Variants in RNF169 observed in about 807,000 individuals in gnomAD.
RNF169 encodes E3 ubiquitin-protein ligase RNF169.
RNF169 carries 24 observed loss-of-function variants against 53.9 expected under a neutral mutation model. That is an observed-to-expected ratio of 0.45 (90% confidence interval 0.32 to 0.63). The LOEUF (loss-of-function observed/expected upper bound fraction) is 0.63, where lower values mean the gene tolerates loss of function less well. Ranked by LOEUF, RNF169 falls within the 20% of genes least tolerant of loss-of-function variation. The pLI is 0.04. For synonymous variants in RNF169, 396 were observed against 363.5 expected, an observed-to-expected ratio of 1.09 and a Z score of -1.02; for missense variants, 883 against 906.2, an observed-to-expected ratio of 0.97 and a Z score of 0.33.
At chr11:74,786,167 C>G (rs539105940) in intron 1 of RNF169, among the ~76,000 whole-genome samples, 2 of 151,674 alleles carry the variant, frequency 1.3e-5, no homozygotes, top group African/African-American at 4.8e-5. Flanking sequence ...TCTTGATCTC[C>G]TGACCTTGTG....
rs988072781 is a variant in RNF169, at chr11:74,837,779, GTATC to G, written c.*1052_*1055del. ...TTAAACTCCATACTATGGAAACAAG[GTATC>G]TAGCTGGATGCAGCTGGTAAATTCA... On this transcript the variant is annotated 3_prime_UTR_variant, in exon 6 of 6. Coordinates refer to ENST00000299563, the MANE Select transcript of RNF169 (RefSeq NM_001098638.2). 1.3e-5 allele frequency: 2 copies of G among 152,234 alleles called. No homozygotes were observed. Among genetic ancestry groups the G allele is most frequent in the African/African-American group, 4.8e-5 (2 of 41,454 alleles). The allele number at this position is 152,234 out of a possible 1,614,324, so 9.4% of individuals were successfully genotyped here. A position where few individuals can be genotyped will look rare whatever the true frequency, so the allele number is the denominator to read the frequency against.
intron 4 of RNF169, among the ~76,000 whole-genome samples, chr11:74,823,738 G>GAAAAAAAAAAAAAAA (rs35164191): frequency 4.7e-5 from 5 of 105,774 alleles, no homozygotes; most frequent in Non-Finnish European, 3.9e-5. Flanking sequence ...CCCTGTCTCA[G>GAAAAAAAAAAAAAAA]AAAAAAAAAA....
chr11:74,819,590 T>G (rs2035982516), intron 4 of RNF169, among the ~76,000 whole-genome samples: 1 of 152,200 alleles, frequency 6.6e-6, no homozygotes, highest in Non-Finnish European at 1.5e-5. Context: ...TTGTGCCTGT[T>G]GGTAGGTTAA....
chr11:74,829,272 C>T (rs1389427238), intron 4 of RNF169, among the ~76,000 whole-genome samples: 1 of 152,134 alleles, frequency 6.6e-6, no homozygotes, highest in Admixed American at 6.5e-5. Flanking sequence ...TAGAGAAATG[C>T]AAATCAAAAC....
chr11:74,789,205 A>C (rs1032675394), intron 1 of RNF169, among the ~76,000 whole-genome samples: 1 of 152,152 alleles, frequency 6.6e-6, no homozygotes, highest in East Asian at 1.9e-4. Flanking sequence ...AATATCTTCT[A>C]CCTTACTCAG....
chr11:74,841,193 T>C lies in RNF169; in HGVS notation c.*4463T>C, dbSNP rs2036484317. On this transcript the variant is annotated 3_prime_UTR_variant, in exon 6 of 6. Transcript: ENST00000299563. ...ATTGGAAACTCATTATGGTCTTAAATTGTCCTCAGGCAGCCTTTTCCTCAT... is the reference window on the plus strand; with the variant it reads ...ATTGGAAACTCATTATGGTCTTAAACTGTCCTCAGGCAGCCTTTTCCTCAT... 1 of 152,204 alleles carries C rather than the reference T, an allele frequency of 6.6e-6. No homozygotes were observed. The highest frequency in any genetic ancestry group is 1.5e-5 in the Non-Finnish European group (1 of 68,034). The allele number at this position is 152,204 out of a possible 1,614,324, so 9.4% of individuals were successfully genotyped here.
At chr11:74,800,755 C>A (rs1295195584) in intron 2 of RNF169, among the ~76,000 whole-genome samples, 1 of 152,154 alleles carries the variant, frequency 6.6e-6, no homozygotes, top group Non-Finnish European at 1.5e-5. Flanking sequence ...AATTAATTCT[C>A]AATTTTCTTG....
Position 74,838,144 on chromosome 11 carries a change from C to T in RNF169, c.*1414C>T, listed in dbSNP as rs185698397. Reference sequence around the variant, plus strand: ...TCTTCAAAGACTAGAAACACTGACTCCCAAAATGCTAGAACTGGAAGGGAC... The same window carrying T: ...TCTTCAAAGACTAGAAACACTGACTTCCAAAATGCTAGAACTGGAAGGGAC... On this transcript the variant is annotated 3_prime_UTR_variant, in exon 6 of 6. Transcript: ENST00000299563. 1 of 152,156 alleles carries T rather than the reference C, an allele frequency of 6.6e-6. No individual in the cohort carries two copies. The highest frequency in any genetic ancestry group is 1.5e-5 in the Non-Finnish European group (1 of 68,030). The allele number at this position is 152,156 out of a possible 1,614,324, so 9.4% of individuals were successfully genotyped here. A position where few individuals can be genotyped will look rare whatever the true frequency, so the allele number is the denominator to read the frequency against.
intron 1 of RNF169, among the ~76,000 whole-genome samples, chr11:74,776,950 T>C (rs1336826586): frequency 6.6e-6 from 1 of 152,112 alleles, no homozygotes; most frequent in Admixed American, 6.5e-5. Flanking sequence ...TTACAAATCT[T>C]GGAGGCAGTG....
intron 1 of RNF169, among the ~76,000 whole-genome samples, chr11:74,751,190 T>C (rs1339043887): frequency 1.3e-5 from 2 of 152,172 alleles, no homozygotes; most frequent in African/African-American, 4.8e-5. Context: ...CCTTTTAAGC[T>C]TCACAACATC....
chr11:74,806,607 A>G (rs890783800), intron 2 of RNF169, among the ~76,000 whole-genome samples: 2 of 152,262 alleles, frequency 1.3e-5, no homozygotes, highest in African/African-American at 2.4e-5. Context: ...ACAGAATACT[A>G]TAAAACAAAA....
intron 4 of RNF169, among the ~76,000 whole-genome samples, chr11:74,824,515 T>C (rs2036064312): frequency 6.6e-6 from 1 of 152,172 alleles, no homozygotes; most frequent in Non-Finnish European, 1.5e-5. Flanking sequence ...TCCAAGAAGT[T>C]CTGTGACTCC....
rs1198899903 is a variant in RNF169, at chr11:74,841,121, G to T, written c.*4391G>T. 3 of 152,030 alleles carry T rather than the reference G, an allele frequency of 2.0e-5. No homozygotes were observed. Among genetic ancestry groups the T allele is most frequent in the Admixed American group, 2.0e-4 (3 of 15,264 alleles). The allele number at this position is 152,030 out of a possible 1,614,324, so 9.4% of individuals were successfully genotyped here. Reference sequence around the variant, plus strand: ...TGGAATAATTTTAATTAAATTTAATGATTTTAATTAAGAATTAAAAGCCAG... The same window carrying T: ...TGGAATAATTTTAATTAAATTTAATTATTTTAATTAAGAATTAAAAGCCAG... On this transcript the variant is annotated 3_prime_UTR_variant, in exon 6 of 6. Coordinates refer to ENST00000299563, the MANE Select transcript of RNF169 (RefSeq NM_001098638.2).
At chr11:74,790,721 C>T (rs2035567369) in intron 2 of RNF169, among the ~76,000 whole-genome samples, 1 of 152,238 alleles carries the variant, frequency 6.6e-6, no homozygotes, top group Non-Finnish European at 1.5e-5. Flanking sequence ...GGCATGGGCA[C>T]TGGCTCCTGT....
intron 1 of RNF169, among the ~76,000 whole-genome samples, chr11:74,766,510 A>G (rs193095808): frequency 2.4e-4 from 37 of 152,312 alleles, no homozygotes; most frequent in Non-Finnish European, 5.0e-4. Flanking sequence ...TAGTGTGACA[A>G]TAGTTTTCTG....
chr11:74,775,628 T>G (rs781153635), intron 1 of RNF169, among the ~76,000 whole-genome samples: 39 of 152,190 alleles, frequency 2.6e-4, no homozygotes, highest in African/African-American at 8.9e-4. Flanking sequence ...CACCAATGAT[T>G]ATTCTGCCTG....
At chr11:74,808,014 A>G (rs1020921266) in intron 2 of RNF169, 3 of 152,168 alleles carry the variant, frequency 2.0e-5, no homozygotes, top group Non-Finnish European at 1.5e-5. Flanking sequence ...CATTGCGGTG[A>G]AAATGTTGTT....
rs374378773 is a variant in RNF169, at chr11:74,782,087, C to T, written c.503-7539C>T. On this transcript the variant is annotated intron_variant, in intron 1 of 5. Transcript: ENST00000299563. The stretch of plus-strand genomic sequence containing the variant: ...CTTTTGGCTTTGTTTTATTATCTTA[C>T]GCTTTGTACAAATTTAAACTGAGTT... Among the ~76,000 whole-genome samples, 13 of 152,260 alleles carry T rather than the reference C, an allele frequency of 8.5e-5. No individual in the cohort carries two copies. The East Asian group carries it at 1.4e-3, about 16-fold the overall frequency.
intron 3 of RNF169, among the ~76,000 whole-genome samples, chr11:74,812,355 C>T (rs2035886461): frequency 6.6e-6 from 1 of 152,012 alleles, no homozygotes; most frequent in Admixed American, 6.6e-5. Context: ...AGTGCAGTTG[C>T]ACAGTCATGG....
Sources: allele counts gnomAD v4.1 joint callset (sites outside exome capture counted in the v4.1 genomes callset), GRCh38; gene constraint gnomAD v4.1.1; transcripts MANE v1.5; gene names NCBI Gene and HGNC (gene_info 2026-07-23, HGNC 2026-07-21).